LEPR: variants seen among roughly 807,000 people sequenced by gnomAD.
LEPR encodes the protein leptin receptor, also known as OB receptor.
LEPR carries 56 observed loss-of-function variants against 114.7 expected under a neutral mutation model. The ratio of observed to expected loss-of-function variants is 0.49; its 90% CI spans 0.39 to 0.61. The LOEUF is 0.61. LEPR is among the 20% of genes least tolerant of loss of function. LEPR has a pLI of 0.00. For missense variants in LEPR, 1,202 were observed against 1,352.9 expected (o/e 0.89, Z 1.75); for synonymous variants, 443 against 461.4 (o/e 0.96, Z 0.51).
chr1:65,504,929 T>A (rs760959380), intron 2 of LEPR, among the ~76,000 whole-genome samples: 6 of 152,158 alleles, frequency 3.9e-5, no homozygotes, highest in African/African-American at 7.2e-5. Flanking sequence ...TTTTAAAAAA[T>A]CTCATTCCAA....
chr1:65,615,953 T>A, intron 14 of LEPR, 55 bp from the exon 15 acceptor site: 1 of 1,606,824 alleles, frequency 6.2e-7, no homozygotes, highest in East Asian at 2.2e-5. Flanking sequence ...GTGAGCTCAG[T>A]TAGTATAAAA....
chr1:65,471,119 C>A (rs1233534328), intron 2 of LEPR, among the ~76,000 whole-genome samples: 1 of 152,174 alleles, frequency 6.6e-6, no homozygotes, highest in Admixed American at 6.5e-5. Context: ...ATCAAACTTC[C>A]CTTGCTGATA....
At chr1:65,545,925 G>A (rs1168006474) in intron 2 of LEPR, among the ~76,000 whole-genome samples, 2 of 151,720 alleles carry the variant, frequency 1.3e-5, no homozygotes, top group Admixed American at 1.3e-4. Context: ...TTCTTCTAGG[G>A]TTTTTATGGT....
chr1:65,540,033 GTTGT>G (rs140695285), intron 2 of LEPR, among the ~76,000 whole-genome samples: 25 of 152,080 alleles, frequency 1.6e-4, no homozygotes, highest in Non-Finnish European at 3.7e-4. Context: ...GTTCATTTCA[GTTGT>G]TTGTTAGTCA....
intron 2 of LEPR, among the ~76,000 whole-genome samples, chr1:65,512,040 C>A (rs1304727269): frequency 6.6e-6 from 1 of 152,046 alleles, no homozygotes; most frequent in Non-Finnish European, 1.5e-5. Flanking sequence ...AGAAGGCAAA[C>A]GGGGAGCAAG....
intron 17 of LEPR, among the ~76,000 whole-genome samples, chr1:65,620,452 A>G (rs969181852): frequency 5.9e-5 from 9 of 152,240 alleles, no homozygotes; most frequent in African/African-American, 1.9e-4. Context: ...AATAGTGAAC[A>G]TAAGTTTCTG....
intron 19 of LEPR, among the ~76,000 whole-genome samples, chr1:65,631,555 TGG>T (rs1179948122): frequency 1.3e-4 from 20 of 152,144 alleles, no homozygotes; most frequent in African/African-American, 4.8e-4. Context: ...TTCTTTGTGG[TGG>T]GTCTGTATTT....
intron 2 of LEPR, among the ~76,000 whole-genome samples, chr1:65,558,540 T>TGAATCAGAA (rs1653029104): frequency 2.5e-5 from 1 of 40,072 alleles, no homozygotes; most frequent in South Asian, 7.6e-4. Flanking sequence ...TTTTTTTTGT[T>TGAATCAGAA]TTTTTTTTGT....
At chr1:65,545,578 T>C (rs1651632796) in intron 2 of LEPR, among the ~76,000 whole-genome samples, 1 of 152,232 alleles carries the variant, frequency 6.6e-6, no homozygotes, top group Admixed American at 6.5e-5. Context: ...CATTTTTTCA[T>C]GTGTCTTTTG....
chr1:65,607,020 T>C (rs1461495459), intron 11 of LEPR, among the ~76,000 whole-genome samples: 1 of 152,166 alleles, frequency 6.6e-6, no homozygotes, highest in East Asian at 1.9e-4. Flanking sequence ...AACACCCATA[T>C]TGTGCCAATC....
At chr1:65,596,983 T>C (rs533758669) in intron 7 of LEPR, among the ~76,000 whole-genome samples, 3 of 152,200 alleles carry the variant, frequency 2.0e-5, no homozygotes, top group South Asian at 2.1e-4. Flanking sequence ...TAAAATCCAG[T>C]TTTAGCAAAG....
intron 2 of LEPR, among the ~76,000 whole-genome samples, chr1:65,490,740 T>C (rs1647822822): frequency 6.6e-6 from 1 of 152,148 alleles, no homozygotes; most frequent in South Asian, 2.1e-4. Flanking sequence ...TTTTTATCCT[T>C]GGGCCTAAAA....
At chr1:65,576,901 C>A in intron 5 of LEPR, 2 of 349,716 alleles carry the variant, frequency 5.7e-6, no homozygotes, top group Non-Finnish European at 5.6e-6. Flanking sequence ...CTCCAGATAT[C>A]CATGCCAGTA....
chr1:65,566,164 CTT>C (rs1227442613), intron 3 of LEPR, among the ~76,000 whole-genome samples: 1 of 135,048 alleles, frequency 7.4e-6, no homozygotes. Flanking sequence ...CTTCATGTGT[CTT>C]TGTATATTTG....
intron 2 of LEPR, among the ~76,000 whole-genome samples, chr1:65,500,987 C>T (rs895194961): frequency 6.6e-6 from 1 of 152,058 alleles, no homozygotes; most frequent in African/African-American, 2.4e-5. Context: ...TCTATACATT[C>T]GTATAATGCT....
At chr1:65,599,305 G>A (rs113612576) in intron 8 of LEPR, among the ~76,000 whole-genome samples, 1 of 152,192 alleles carries the variant, frequency 6.6e-6, no homozygotes, top group South Asian at 2.1e-4. Context: ...CAGCTGATGC[G>A]CAAAGTTTTG....
intron 2 of LEPR, among the ~76,000 whole-genome samples, chr1:65,535,896 C>T (rs771928052): frequency 6.6e-6 from 1 of 152,154 alleles, no homozygotes; most frequent in Admixed American, 6.5e-5. Context: ...TCCTCTGCAT[C>T]TTTGAGGGAC....
intron 2 of LEPR, among the ~76,000 whole-genome samples, chr1:65,493,404 G>T (rs377150102): frequency 2.0e-5 from 3 of 151,996 alleles, no homozygotes; most frequent in East Asian, 1.9e-4. Context: ...ACAGGGTAAG[G>T]TCTTGCTTTT....
At chr1:65,597,212 C>T (rs766377294) in intron 7 of LEPR, among the ~76,000 whole-genome samples, 4 of 152,088 alleles carry the variant, frequency 2.6e-5, no homozygotes, top group Non-Finnish European at 4.4e-5. Flanking sequence ...GCTATAAATT[C>T]CCTGTTGTCC....
Sources: gnomAD v4.1 joint callset for allele counts (sites outside exome capture counted in the v4.1 genomes callset) on GRCh38, gnomAD v4.1.1 for gene constraint, MANE v1.5 for transcripts, NCBI Gene and HGNC (gene_info 2026-07-23, HGNC 2026-07-21) for gene names.